The following EPHB1 variants were observed in gnomAD, a reference collection of about 807,000 sequenced individuals.
The protein encoded by EPHB1 is ephrin type-B receptor 1.
In EPHB1, 30 loss-of-function variants were observed where a neutral mutation model predicts 94.4. That is an observed-to-expected ratio of 0.32 (90% CI 0.24 to 0.43). EPHB1 has a LOEUF of 0.43. Ranked by LOEUF, EPHB1 falls within the 20% of genes least tolerant of loss-of-function variation. EPHB1 has a pLI of 1.00. For synonymous variants in EPHB1, 522 were observed against 489.1 expected, an observed-to-expected ratio of 1.07 and a Z score of -0.89; for missense variants, 1,055 against 1,308.3, an observed-to-expected ratio of 0.81 and a Z score of 2.99.
intron 3 of EPHB1, among the ~76,000 whole-genome samples, chr3:135,063,922 G>A (rs375349251): frequency 6.6e-5 from 10 of 151,932 alleles, no homozygotes; most frequent in East Asian, 3.9e-4. Flanking sequence ...GGATTTTTTC[G>A]AATGCATTTT....
chr3:134,945,946 A>G (rs576610928), intron 2 of EPHB1, among the ~76,000 whole-genome samples: 7 of 152,322 alleles, frequency 4.6e-5, no homozygotes, highest in Non-Finnish European at 8.8e-5. Context: ...CCCTTTTTTA[A>G]GAAAAGAGAG....
chr3:135,183,202 CCCTCCCTCCCTT>C (rs1427048525), intron 10 of EPHB1, among the ~76,000 whole-genome samples: 1 of 125,398 alleles, frequency 8.0e-6, no homozygotes, highest in Non-Finnish European at 1.9e-5. Context: ...CTTCCTTCCT[CCCTCCCTCCCTT>C]CCTCCCTCCC....
intron 1 of EPHB1, among the ~76,000 whole-genome samples, chr3:134,870,453 G>A (rs2037476549): frequency 6.6e-6 from 1 of 152,226 alleles, no homozygotes; most frequent in Admixed American, 6.5e-5. Context: ...ACAAAGGGGA[G>A]TTTTCCTGCC....
chr3:134,993,185 G>A (rs1206542614), intron 3 of EPHB1, among the ~76,000 whole-genome samples: 1 of 152,234 alleles, frequency 6.6e-6, no homozygotes, highest in East Asian at 1.9e-4. Flanking sequence ...AGCCAAAACA[G>A]CACAGGCAGT....
chr3:134,931,412 C>T (rs1448047294), intron 2 of EPHB1, among the ~76,000 whole-genome samples: 2 of 152,222 alleles, frequency 1.3e-5, no homozygotes, highest in African/African-American at 2.4e-5. Context: ...ACTTGGGCCA[C>T]CATTGGCCTC....
chr3:135,226,438 C>A (rs1401083302), intron 12 of EPHB1, among the ~76,000 whole-genome samples: 1 of 152,190 alleles, frequency 6.6e-6, no homozygotes. Context: ...CCCTGGAGAT[C>A]TGAGATATCA....
intron 1 of EPHB1, among the ~76,000 whole-genome samples, chr3:134,803,296 T>C (rs188290659): frequency 6.6e-6 from 1 of 152,120 alleles, no homozygotes; most frequent in African/African-American, 2.4e-5. Context: ...TCCATTTCCC[T>C]GTGAAGGTGA....
chr3:134,952,347 C>A (rs1933066376), intron 3 of EPHB1, among the ~76,000 whole-genome samples: 1 of 144,660 alleles, frequency 6.9e-6, no homozygotes, highest in South Asian at 2.2e-4. Flanking sequence ...ATTTATCTCT[C>A]TCTCTTCTCT....
At chr3:135,052,991 ATATATATGTGTGTG>A (rs1475167825) in intron 3 of EPHB1, among the ~76,000 whole-genome samples, 19 of 104,606 alleles carry the variant, frequency 1.8e-4, no homozygotes, top group African/African-American at 7.5e-4. Flanking sequence ...ATGTGTGTGT[ATATATATGTGTGTG>A]TATATATATG....
At chr3:134,906,242 G>C (rs1027939154) in intron 1 of EPHB1, among the ~76,000 whole-genome samples, 2 of 152,172 alleles carry the variant, frequency 1.3e-5, no homozygotes, top group African/African-American at 4.8e-5. Context: ...TTTAGCCCGA[G>C]GGGATAGCAT....
At chr3:134,859,251 T>A (rs544212232) in intron 1 of EPHB1, among the ~76,000 whole-genome samples, 200 of 152,290 alleles carry the variant, frequency 1.3e-3, no homozygotes, top group African/African-American at 4.5e-3. Context: ...TCCTTCGATC[T>A]CATTGTTTGA....
At chr3:135,110,666 G>T (rs1436076415) in intron 4 of EPHB1, among the ~76,000 whole-genome samples, 1 of 152,232 alleles carries the variant, frequency 6.6e-6, no homozygotes, top group Non-Finnish European at 1.5e-5. Context: ...TGACCTCAGT[G>T]ATGTTGCAAA....
rs1251295431 is a variant in EPHB1 at position 135,165,752 on chromosome 3, G to A, written c.1586-216G>A. ...AGCTATAGTTCCCAGATTCTGTCAC[G>A]GCTGTTTTGTTTTCATTGTCCTTTG... On this transcript the variant is annotated intron_variant, in intron 7 of 15. Transcript: ENST00000398015. 5.9e-5 allele frequency among the ~76,000 whole-genome samples: 9 copies of A among 152,210 alleles called. No homozygotes were observed. In the South Asian group the frequency reaches 1.2e-3, roughly 21 times the overall value.
intron 3 of EPHB1, among the ~76,000 whole-genome samples, chr3:135,092,737 T>G (rs1938604905): frequency 6.6e-6 from 1 of 152,164 alleles, no homozygotes; most frequent in African/African-American, 2.4e-5. Context: ...GCGATTCTCC[T>G]GCCTCAGCCT....
intron 1 of EPHB1, among the ~76,000 whole-genome samples, chr3:134,909,981 C>T (rs576816581): frequency 3.9e-5 from 6 of 152,180 alleles, no homozygotes; most frequent in Non-Finnish European, 7.3e-5. Context: ...GAGAGAGGTC[C>T]AGCCCCACAC....
intron 3 of EPHB1, among the ~76,000 whole-genome samples, chr3:135,103,477 G>C (rs997667339): frequency 4.6e-5 from 7 of 152,336 alleles, no homozygotes; most frequent in African/African-American, 9.6e-5. Context: ...GAGTGGGTAA[G>C]TTGGGATGGA....
At chr3:134,826,893 T>C (rs1364275638) in intron 1 of EPHB1, among the ~76,000 whole-genome samples, 1 of 152,180 alleles carries the variant, frequency 6.6e-6, no homozygotes, top group Non-Finnish European at 1.5e-5. Flanking sequence ...TCAGCTCTCT[T>C]CTCTGAACAT....
chr3:135,031,729 TCA>T (rs1936480383), intron 3 of EPHB1, among the ~76,000 whole-genome samples: 1 of 152,224 alleles, frequency 6.6e-6, no homozygotes, highest in Non-Finnish European at 1.5e-5. Context: ...TTCCAAATGC[TCA>T]GATAGTTCAG....
At chr3:135,160,371 A>G (rs1941473424) in intron 6 of EPHB1, among the ~76,000 whole-genome samples, 1 of 152,184 alleles carries the variant, frequency 6.6e-6, no homozygotes, top group African/African-American at 2.4e-5. Context: ...TATTCTTTAT[A>G]TGGGAATTTC....
Sources: allele counts gnomAD v4.1 joint callset (sites outside exome capture counted in the v4.1 genomes callset), GRCh38; gene constraint gnomAD v4.1.1; transcripts MANE v1.5; gene names NCBI Gene and HGNC (gene_info 2026-07-23, HGNC 2026-07-21).